The following ZNF385D variants were observed in gnomAD, a reference collection of about 807,000 sequenced individuals.
ZNF385D encodes the protein zinc finger protein 385D, also known as zinc finger protein 659.
Under a neutral mutation model 35.8 loss-of-function variants are expected in ZNF385D, and 15 were observed. The observed-to-expected ratio is 0.42, with a 90% CI of 0.28 to 0.64. The LOEUF is 0.64. ZNF385D is among the 30% of genes least tolerant of loss of function. The probability of loss-of-function intolerance (pLI) is 0.23; values close to 1 mark genes in which losing one functional copy is unlikely to be tolerated. For missense variants in ZNF385D, 474 were observed against 494.6 expected (o/e 0.96, Z 0.39); for synonymous variants, 212 against 186.8 (o/e 1.13, Z -1.10).
intron 4 of ZNF385D, among the ~76,000 whole-genome samples, chr3:21,446,601 C>G (rs1051728393): frequency 1.4e-5 from 2 of 141,012 alleles, no homozygotes; most frequent in East Asian, 2.1e-4. Flanking sequence ...TCAAGTGATT[C>G]TTCTGCCTCA....
chr3:21,970,902 G>GT (rs1703212107), intron 3 of ZNF385D, among the ~76,000 whole-genome samples: 1 of 151,890 alleles, frequency 6.6e-6, no homozygotes, highest in Admixed American at 6.6e-5. Flanking sequence ...CCAGGAGAGA[G>GT]TGGCAGGGCA....
intron 4 of ZNF385D, among the ~76,000 whole-genome samples, chr3:21,443,765 A>G (rs1306096681): frequency 6.6e-6 from 1 of 152,134 alleles, no homozygotes; most frequent in Non-Finnish European, 1.5e-5. Context: ...TGACTATACT[A>G]TTTCTTTCTA....
At chr3:22,026,740 T>C (rs1013558027) in intron 3 of ZNF385D, among the ~76,000 whole-genome samples, 2 of 152,146 alleles carry the variant, frequency 1.3e-5, no homozygotes, top group African/African-American at 4.8e-5. Flanking sequence ...TGCCTCTACC[T>C]AGAAAAATAG....
intron 2 of ZNF385D, among the ~76,000 whole-genome samples, chr3:21,641,482 T>C (rs2065604183): frequency 6.6e-6 from 1 of 151,980 alleles, no homozygotes; most frequent in African/African-American, 2.4e-5. Context: ...TATTCCTCTA[T>C]TGTCTGGTCC....
intron 1 of ZNF385D, among the ~76,000 whole-genome samples, chr3:21,740,214 G>C (rs2125519916): frequency 6.6e-6 from 1 of 152,244 alleles, no homozygotes; most frequent in South Asian, 2.1e-4. Flanking sequence ...ACTAAGGTTG[G>C]AAACTTAGAC....
At chr3:21,453,384 T>A (rs1263353478) in intron 4 of ZNF385D, among the ~76,000 whole-genome samples, 2 of 151,906 alleles carry the variant, frequency 1.3e-5, no homozygotes, top group Non-Finnish European at 2.9e-5. Context: ...GCATCAAAAT[T>A]AAGTTTTTTC....
chr3:21,815,675 G>C (rs1393341375), intron 3 of ZNF385D, among the ~76,000 whole-genome samples: 1 of 152,134 alleles, frequency 6.6e-6, no homozygotes, highest in Non-Finnish European at 1.5e-5. Context: ...CTCTGAAATT[G>C]AGATAATAAT....
chr3:21,636,380 A>ATT (rs2065439464), intron 2 of ZNF385D, among the ~76,000 whole-genome samples: 1 of 13,680 alleles, frequency 7.3e-5, no homozygotes, highest in South Asian at 1.7e-3. Context: ...ATATATGATT[A>ATT]TATATATATA....
intron 3 of ZNF385D, among the ~76,000 whole-genome samples, chr3:21,922,667 C>T (rs1418555238): frequency 6.6e-6 from 1 of 152,104 alleles, no homozygotes; most frequent in Non-Finnish European, 1.5e-5. Context: ...AAATGTAAGA[C>T]CTCAAACCAT....
At chr3:21,719,935 T>C (rs543993401) in intron 1 of ZNF385D, among the ~76,000 whole-genome samples, 1 of 152,348 alleles carries the variant, frequency 6.6e-6, no homozygotes, top group South Asian at 2.1e-4. Context: ...ACTAGCTGTA[T>C]GACCTCAGAT....
At chr3:22,212,980 G>T (rs901790923) in intron 2 of ZNF385D, among the ~76,000 whole-genome samples, 1 of 151,954 alleles carries the variant, frequency 6.6e-6, no homozygotes, top group Non-Finnish European at 1.5e-5. Flanking sequence ...TGGTTAGAGT[G>T]CATTTATTTA....
intron 3 of ZNF385D, among the ~76,000 whole-genome samples, chr3:22,028,755 AG>A (rs1697725645): frequency 6.6e-6 from 1 of 152,218 alleles, no homozygotes; most frequent in Non-Finnish European, 1.5e-5. Context: ...CAGTGGGCTC[AG>A]ATTCATGGAA....
chr3:21,929,937 T>C (rs1040939358), intron 3 of ZNF385D, among the ~76,000 whole-genome samples: 8 of 152,030 alleles, frequency 5.3e-5, no homozygotes, highest in African/African-American at 1.4e-4. Context: ...TCTGTAGAAA[T>C]TGCCAAGCTT....
chr3:21,421,201 TCCTATTTGGAATTTAGTAAG>T lies in ZNF385D; in HGVS notation c.1181_*12del. The T allele has an allele frequency of 6.2e-7, 1 of 1,607,674 alleles. No homozygotes were observed. Among genetic ancestry groups the T allele is most frequent in the South Asian group, 1.1e-5 (1 of 90,926 alleles). On this transcript the variant is annotated stop_lost and 3_prime_UTR_variant, in exon 8 of 8. Transcript: ENST00000281523. ...TGAAAAATTATTGCAGTACAATTAC[TCCTATTTGGAATTTAGTAAG>T]GAGCAAACAGCACAGGAGTGTGGGC...
At chr3:21,457,019 C>A (rs932091475) in intron 4 of ZNF385D, among the ~76,000 whole-genome samples, 2 of 152,152 alleles carry the variant, frequency 1.3e-5, no homozygotes, top group East Asian at 1.9e-4. Context: ...ACTTTGATGA[C>A]CCTCTACTGG....
intron 1 of ZNF385D, among the ~76,000 whole-genome samples, chr3:21,667,475 A>G (rs904456536): frequency 1.3e-5 from 2 of 152,120 alleles, no homozygotes; most frequent in African/African-American, 4.8e-5. Context: ...AATTACTTTC[A>G]TTTGTGTCAC....
intron 3 of ZNF385D, among the ~76,000 whole-genome samples, chr3:21,899,690 G>C (rs1353535806): frequency 6.6e-6 from 1 of 151,956 alleles, no homozygotes; most frequent in Non-Finnish European, 1.5e-5. Context: ...ATATATTAAA[G>C]GTTTACTGCT....
intron 2 of ZNF385D, among the ~76,000 whole-genome samples, chr3:22,313,673 G>T (rs964496882): frequency 6.6e-6 from 1 of 152,162 alleles, no homozygotes; most frequent in African/African-American, 2.4e-5. Flanking sequence ...CAGATGATGA[G>T]TAGCAGGAAA....
intron 3 of ZNF385D, among the ~76,000 whole-genome samples, chr3:21,873,388 A>T (rs1479980): frequency 3.7e-4 from 57 of 152,098 alleles, no homozygotes; most frequent in African/African-American, 1.3e-3. Flanking sequence ...TGGCATAGCC[A>T]TGATATAGTC....
Sources: gnomAD v4.1 joint callset for allele counts (sites outside exome capture counted in the v4.1 genomes callset) on GRCh38, gnomAD v4.1.1 for gene constraint, MANE v1.5 for transcripts, NCBI Gene and HGNC (gene_info 2026-07-23, HGNC 2026-07-21) for gene names.